PARP6: variants seen among roughly 807,000 people sequenced by gnomAD.
PARP6 encodes poly(ADP-ribose) polymerase family member 6.
Under a neutral mutation model 92.0 loss-of-function variants are expected in PARP6, and 27 were observed. The ratio of observed to expected loss-of-function variants is 0.29; its 90% CI spans 0.22 to 0.40. The LOEUF is 0.40. Among genes scored for constraint, PARP6 ranks in the 10% least tolerant of loss-of-function variants. PARP6 has a pLI of 1.00. For missense variants in PARP6, 501 were observed against 784.5 expected (o/e 0.64, Z 4.32); for synonymous variants, 272 against 281.2 (o/e 0.97, Z 0.33).
intron 8 of PARP6, 28 bp from the exon 9 acceptor site, chr15:72,261,735 G>A: frequency 1.2e-6 from 2 of 1,609,956 alleles, no homozygotes; most frequent in Non-Finnish European, 1.7e-6. Flanking sequence ...ATGAGCTTAG[G>A]CAAGATGAGG....
chr15:72,257,766 G>A (rs930625692), intron 12 of PARP6, among the ~76,000 whole-genome samples: 1 of 152,174 alleles, frequency 6.6e-6, no homozygotes, highest in African/African-American at 2.4e-5. Context: ...TAGAGTCCTT[G>A]AGGACAGCAT....
chr15:72,270,713 T>C (rs752151773), intron 2 of PARP6, among the ~76,000 whole-genome samples: 2 of 152,186 alleles, frequency 1.3e-5, no homozygotes, highest in Non-Finnish European at 2.9e-5. Flanking sequence ...ACCATCCTAT[T>C]TATTAAAACA....
intron 8 of PARP6, among the ~76,000 whole-genome samples, chr15:72,262,838 G>A (rs2086080872): frequency 6.6e-6 from 1 of 152,050 alleles, no homozygotes; most frequent in Non-Finnish European, 1.5e-5. Context: ...TGCCTACCCT[G>A]CTGGTTTCTT....
intron 15 of PARP6, 124 bp downstream of exon 15, chr15:72,254,331 G>A (rs1423417803): frequency 2.8e-5 from 19 of 674,624 alleles, no homozygotes; most frequent in Non-Finnish European, 4.7e-5. Flanking sequence ...AAAGAGGAAA[G>A]ACTAAAAAAA....
At chr15:72,264,674 A>T in intron 7 of PARP6, 53 bp from the exon 8 acceptor site, 1 of 1,423,118 alleles carries the variant, frequency 7.0e-7, no homozygotes, top group South Asian at 1.2e-5. Context: ...GTCTTCCTGG[A>T]GTCCAAAGCT....
intron 6 of PARP6, 86 bp from the exon 7 acceptor site, chr15:72,265,257 T>G: frequency 9.6e-7 from 1 of 1,045,652 alleles, no homozygotes; most frequent in Non-Finnish European, 1.5e-6. Context: ...CACATGCACA[T>G]GACAGTACAC....
chr15:72,270,158 G>C (rs1040291485), intron 2 of PARP6, among the ~76,000 whole-genome samples: 2 of 152,084 alleles, frequency 1.3e-5, no homozygotes, highest in African/African-American at 4.8e-5. Flanking sequence ...AGCTCATAGT[G>C]TTGCCTGATC....
At chr15:72,244,826 T>C (rs572006315) in intron 20 of PARP6, 13 of 152,432 alleles carry the variant, frequency 8.5e-5, no homozygotes, top group Admixed American at 4.6e-4. Context: ...TAGTCCATTT[T>C]CACACTACTG....
chr15:72,255,395 G>A (rs1432182485), intron 14 of PARP6, among the ~76,000 whole-genome samples: 1 of 152,074 alleles, frequency 6.6e-6, no homozygotes, highest in Non-Finnish European at 1.5e-5. Context: ...TGAGATTACA[G>A]GTGCCCACCA....
At chr15:72,255,602 C>T (rs2084971994) in intron 14 of PARP6, among the ~76,000 whole-genome samples, 1 of 151,580 alleles carries the variant, frequency 6.6e-6, no homozygotes, top group Non-Finnish European at 1.5e-5. Context: ...TACCACTGTA[C>T]CACTGGCTCT....
At chr15:72,251,859 A>C (rs999954648) in intron 16 of PARP6, among the ~76,000 whole-genome samples, 3 of 152,254 alleles carry the variant, frequency 2.0e-5, no homozygotes, top group Non-Finnish European at 1.5e-5. Flanking sequence ...GAGAACAGAC[A>C]TAAAACACTG....
At chr15:72,247,150 G>A (rs954572512) in intron 20 of PARP6, among the ~76,000 whole-genome samples, 3 of 152,050 alleles carry the variant, frequency 2.0e-5, no homozygotes, top group African/African-American at 7.2e-5. Context: ...TTTCTTTAGG[G>A]TGTCTTCTGA....
chr15:72,246,278 T>C (rs2083593139), intron 20 of PARP6, among the ~76,000 whole-genome samples: 1 of 152,146 alleles, frequency 6.6e-6, no homozygotes, highest in Admixed American at 6.5e-5. Context: ...GCCTCCCGAG[T>C]AGCTGGGACT....
rs1218397664 is a variant in PARP6, at chr15:72,242,227, G to A, written c.1642-7C>T. 2 of 1,613,524 alleles carry A rather than the reference G, an allele frequency of 1.2e-6. No individual in the cohort carries two copies. Among genetic ancestry groups the A allele is most frequent in the African/African-American group, 2.7e-5 (2 of 74,934 alleles). ...GTGACTGAATGGATCGGGTCTGGAA[G>A]AGAAGGAGGCAAAGGAGACCAGAGC... On this transcript the variant is annotated splice_region_variant and splice_polypyrimidine_tract_variant and intron_variant, in intron 21 of 23. Transcript: ENST00000569795. The surrounding 1 kb of genome is among the most constrained non-coding windows in gnomAD (Gnocchi z 4.3).
chr15:72,265,539 T>C (rs935226703), intron 5 of PARP6, 66 bp from the exon 6 acceptor site: 2 of 1,268,250 alleles, frequency 1.6e-6, no homozygotes, highest in Non-Finnish European at 2.3e-6. Context: ...AGAAACTGAG[T>C]TGGAAAGAGA....
At chr15:72,254,405 C>A in intron 15 of PARP6, 50 bp downstream of exon 15, 1 of 1,278,930 alleles carries the variant, frequency 7.8e-7, no homozygotes, top group Non-Finnish European at 1.1e-6. Flanking sequence ...CAGAATAGGA[C>A]ACTTGAACTG....
In PARP6 at chr15:72,261,701, C is replaced by T. The variant is rs1279470385; in HGVS notation, c.402G>A (p.Leu134=). The change falls in exon 9 of 24, where the codon CTG becomes CTA. Residue 134 remains leucine (L), a synonymous_variant. Coordinates refer to ENST00000569795, the MANE Select transcript of PARP6 (RefSeq NM_001323532.2). ...FGLGLQLKKI[L]GMFTSQQWKH... is the part of the protein sequence containing the mutation. ...TCCATTGTTGGGATGTAAACATACCCAGGATCCTGAGGGATCAAAAAGAAT... is the reference window on the plus strand; with the variant it reads ...TCCATTGTTGGGATGTAAACATACCTAGGATCCTGAGGGATCAAAAAGAAT... The T allele has an allele frequency of 1.9e-6, 3 of 1,613,762 alleles. No individual in the cohort carries two copies. The Admixed American group carries it at 5.0e-5, about 27-fold the overall frequency.
intron 10 of PARP6, 132 bp from the exon 11 acceptor site, chr15:72,259,793 G>C: frequency 2.6e-6 from 2 of 761,458 alleles, no homozygotes; most frequent in Non-Finnish European, 4.4e-6. Context: ...AAGCTAGAAA[G>C]GAGACTTTTA....
chr15:72,241,627 T>TGTA lies in PARP6; in HGVS notation c.1791-73_1791-71dup. 1 of 1,229,200 alleles carries TGTA rather than the reference T, an allele frequency of 8.1e-7. No homozygotes were observed. The highest frequency in any genetic ancestry group is 1.2e-5 in the South Asian group (1 of 82,134). 76.1% of individuals were successfully genotyped at this position (1,229,200 alleles called of 1,614,324 possible). A position where few individuals can be genotyped will look rare whatever the true frequency, so the allele number is the denominator to read the frequency against. ...CCAGAATAACATCAATCAGTGGAAC[T>TGTA]GTATTTCAAGGTATGGCCATCCCAT... On this transcript the variant is annotated intron_variant, in intron 23 of 23. Transcript: ENST00000569795. The surrounding 1 kb of genome is among the most constrained non-coding windows in gnomAD (Gnocchi z 4.1).
Sources: gnomAD v4.1 joint callset for allele counts (sites outside exome capture counted in the v4.1 genomes callset) on GRCh38, gnomAD v4.1.1 for gene constraint, Gnocchi (gnomAD v3.1) non-coding constraint, MANE v1.5 for transcripts, NCBI Gene and HGNC (gene_info 2026-07-23, HGNC 2026-07-21) for gene names.